Variants in ATG4C observed in about 807,000 individuals in gnomAD.
ATG4C encodes the protein autophagy related 4C cysteine peptidase, also known as cysteine protease ATG4C.
In ATG4C, 56 loss-of-function variants were observed where a neutral mutation model predicts 57.6. The observed-to-expected ratio is 0.97, with a 90% CI of 0.78 to 1.21. The LOEUF (loss-of-function observed/expected upper bound fraction) is 1.21. Among genes scored for constraint, ATG4C ranks in the 50% most tolerant of loss-of-function variants. ATG4C has a pLI of 0.00. For synonymous variants in ATG4C, 157 were observed against 174.1 expected (o/e 0.90, Z 0.78); for missense variants, 595 against 529.8 (o/e 1.12, Z -1.21).
At chr1:62,857,697 C>T (rs1666727194) in intron 10 of ATG4C, among the ~76,000 whole-genome samples, 1 of 152,086 alleles carries the variant, frequency 6.6e-6, no homozygotes. Context: ...TTAAAGAAAC[C>T]TTCCAGTCCT....
At chr1:62,834,381 G>A (rs944577314) in intron 8 of ATG4C, among the ~76,000 whole-genome samples, 1 of 152,000 alleles carries the variant, frequency 6.6e-6, no homozygotes, top group Non-Finnish European at 1.5e-5. Context: ...CCACATTCTG[G>A]CAGTTGCTGT....
intron 3 of ATG4C, among the ~76,000 whole-genome samples, chr1:62,808,074 C>T (rs753759793): frequency 4.6e-5 from 7 of 152,056 alleles, no homozygotes; most frequent in Admixed American, 6.5e-5. Context: ...AAGTGTTGAA[C>T]GTAGACTAAA....
In ATG4C at chr1:62,827,251, C is replaced by G. The variant is rs796394275; in HGVS notation, c.797-1789C>G. Among the ~76,000 whole-genome samples the G allele has an allele frequency of 2.4e-4, 36 of 152,274 alleles. 2 individuals are homozygous for G. The highest frequency in any genetic ancestry group is 7.7e-4 in the African/African-American group (32 of 41,546). ...TAATCCCATTTTTGCTACTGTACCC[C>G]TTGTTTACTTCCCTCCAGAAGACTG... On this transcript the variant is annotated intron_variant, in intron 6 of 10. Coordinates refer to ENST00000317868, the MANE Select transcript of ATG4C (RefSeq NM_032852.4).
chr1:62,810,591 C>G (rs950324222), intron 3 of ATG4C, among the ~76,000 whole-genome samples: 2 of 152,114 alleles, frequency 1.3e-5, no homozygotes, highest in Non-Finnish European at 2.9e-5. Context: ...GCTTCTGTAT[C>G]TTTCAACAAA....
At chr1:62,795,028 T>G (rs1341291008) in intron 1 of ATG4C, among the ~76,000 whole-genome samples, 4 of 152,242 alleles carry the variant, frequency 2.6e-5, no homozygotes. Flanking sequence ...CATCCAAAAT[T>G]CTAAATCAAT....
chr1:62,835,408 T>C (rs1557983614), intron 9 of ATG4C: 1 of 357,030 alleles, frequency 2.8e-6, no homozygotes, highest in Non-Finnish European at 5.7e-6. Flanking sequence ...TCCAGTATTT[T>C]AATTCAGAAA....
rs1171545746 is a variant in ATG4C at position 62,834,836 on chromosome 1, A to T, written c.1073A>T (p.Lys358Met). 1 of 1,612,064 alleles carries T rather than the reference A, an allele frequency of 6.2e-7. No homozygotes were observed. The highest frequency in any genetic ancestry group is 1.3e-5 in the African/African-American group (1 of 74,974). ...CAATCTTTTGTAGATGTCAGCATAAAGGATTTCCCTCTTGAGGTACTGTGG... is the reference window on the plus strand; with the variant it reads ...CAATCTTTTGTAGATGTCAGCATAATGGATTTCCCTCTTGAGGTACTGTGG... The part of the protein sequence containing the change: ...YCQSFVDVSI[K>M]DFPLETFHCP... The change falls in exon 9 of 11, where the codon AAG becomes ATG. Residue 358 changes from lysine to methionine, a missense_variant. Lys to Met is a moderately conservative substitution (Grantham distance 95). Transcript: ENST00000317868.
At chr1:62,824,669 CTTT>C (rs397862637) in intron 6 of ATG4C, among the ~76,000 whole-genome samples, 6 of 135,472 alleles carry the variant, frequency 4.4e-5, no homozygotes, top group Admixed American at 7.5e-5. Context: ...CTCTCTCTCT[CTTT>C]TTTTTTTTTT....
At chr1:62,844,929 C>T (rs1046976789) in intron 10 of ATG4C, among the ~76,000 whole-genome samples, 3 of 151,990 alleles carry the variant, frequency 2.0e-5, no homozygotes, top group African/African-American at 7.2e-5. Context: ...ATTTAAACAG[C>T]TGAATAGTGG....
intron 9 of ATG4C, among the ~76,000 whole-genome samples, chr1:62,836,673 T>C (rs937212897): frequency 6.6e-6 from 1 of 152,100 alleles, no homozygotes; most frequent in African/African-American, 2.4e-5. Flanking sequence ...AATTATGTAG[T>C]TGATTAATGT....
At chr1:62,817,117 C>T (rs189488469) in intron 4 of ATG4C, among the ~76,000 whole-genome samples, 3 of 152,180 alleles carry the variant, frequency 2.0e-5, no homozygotes, top group Non-Finnish European at 2.9e-5. Context: ...ATTGTTCTTA[C>T]TGTTTCTTTC....
chr1:62,793,216 A>G (rs1664343335), intron 1 of ATG4C, among the ~76,000 whole-genome samples: 1 of 151,816 alleles, frequency 6.6e-6, no homozygotes, highest in Non-Finnish European at 1.5e-5. Context: ...AAATTTACAC[A>G]TTTTCTTTCA....
At chr1:62,820,599 A>G (rs1474648733) in intron 5 of ATG4C, among the ~76,000 whole-genome samples, 1 of 152,094 alleles carries the variant, frequency 6.6e-6, no homozygotes, top group Non-Finnish European at 1.5e-5. Flanking sequence ...AGAACATTAT[A>G]CTTAGGAATA....
At position 62,812,051 on chromosome 1, in the gene ATG4C, T is replaced by G. The variant is rs372329679; in HGVS notation, c.161-4524T>G. Among the ~76,000 whole-genome samples the G allele has an allele frequency of 6.8e-4, 103 of 152,300 alleles. 2 individuals are homozygous for G. Among genetic ancestry groups the G allele is most frequent in the African/African-American group, 2.4e-3 (101 of 41,582 alleles). On this transcript the variant is annotated intron_variant, in intron 3 of 10. Coordinates refer to ENST00000317868, the MANE Select transcript of ATG4C (RefSeq NM_032852.4). Reference sequence around the variant, plus strand: ...TTTAGAATTATTTATTATTGTTTCTTAATGAATTGACTCCTTAGTAGTTAT... The same window carrying G: ...TTTAGAATTATTTATTATTGTTTCTGAATGAATTGACTCCTTAGTAGTTAT...
At chr1:62,784,926 G>A (rs1664033562) in intron 1 of ATG4C, among the ~76,000 whole-genome samples, 1 of 152,150 alleles carries the variant, frequency 6.6e-6, no homozygotes, top group African/African-American at 2.4e-5. Flanking sequence ...ACCTTCAGCG[G>A]TCAACTCAGC....
At chr1:62,826,380 C>T (rs1379889157) in intron 6 of ATG4C, among the ~76,000 whole-genome samples, 4 of 150,378 alleles carry the variant, frequency 2.7e-5, no homozygotes, top group African/African-American at 4.9e-5. Context: ...GAACTATAGG[C>T]GCCCGCCACC....
intron 1 of ATG4C, among the ~76,000 whole-genome samples, chr1:62,801,989 AAAAAG>A (rs368835658): frequency 0.11 from 14,895 of 140,884 alleles, 614 homozygotes; most frequent in South Asian, 0.14. Flanking sequence ...AAAAAAAGAA[AAAAAG>A]AAAAGAACTA....
rs564069912 is a variant in ATG4C, at chr1:62,828,655, A to G, written c.797-385A>G. Among the ~76,000 whole-genome samples the G allele has an allele frequency of 2.6e-4, 39 of 152,316 alleles. No homozygotes were observed. In the South Asian group the frequency reaches 7.0e-3, roughly 28 times the overall value. ...TGCTGTGCAGAAACTCTTAAGTTTA[A>G]TTAGATCCCATTTGTCAATTTTCGC... On this transcript the variant is annotated intron_variant, in intron 6 of 10. Coordinates refer to ENST00000317868, the MANE Select transcript of ATG4C (RefSeq NM_032852.4).
At chr1:62,801,559 T>G (rs1204341063) in intron 1 of ATG4C, among the ~76,000 whole-genome samples, 1 of 151,680 alleles carries the variant, frequency 6.6e-6, no homozygotes, top group Non-Finnish European at 1.5e-5. Context: ...GATCACGAGG[T>G]CAGGAGTTCA....
Sources: gnomAD v4.1 joint callset for allele counts (sites outside exome capture counted in the v4.1 genomes callset) on GRCh38, gnomAD v4.1.1 for gene constraint, MANE v1.5 for transcripts, NCBI Gene and HGNC (gene_info 2026-07-23, HGNC 2026-07-21) for gene names.